Variants in FRMD3 observed in about 807,000 individuals in gnomAD.
FRMD3 encodes FERM domain-containing protein 3.
FRMD3 carries 33 observed loss-of-function variants against 70.2 expected under a neutral mutation model. The observed-to-expected ratio is 0.47, with a 90% CI of 0.36 to 0.63. FRMD3 has a LOEUF of 0.63. Among genes scored for constraint, FRMD3 ranks in the 20% least tolerant of loss-of-function variants. The pLI, the probability that FRMD3 is intolerant of heterozygous loss-of-function variation, is 0.00. For missense variants in FRMD3, 632 were observed against 711.4 expected (o/e 0.89, Z 1.27); for synonymous variants, 279 against 255.9 (o/e 1.09, Z -0.86).
intron 1 of FRMD3, among the ~76,000 whole-genome samples, chr9:83,404,101 C>T (rs987640645): frequency 8.6e-5 from 13 of 152,038 alleles, no homozygotes; most frequent in Admixed American, 2.6e-4. Context: ...CAAGCAGGCA[C>T]GCACACAAGA....
intron 12 of FRMD3, among the ~76,000 whole-genome samples, chr9:83,293,369 A>T (rs868328479): frequency 1.3e-5 from 2 of 152,102 alleles, no homozygotes; most frequent in Non-Finnish European, 2.9e-5. Flanking sequence ...ACCTCTGAAA[A>T]GCCCATCCAT....
intron 1 of FRMD3, among the ~76,000 whole-genome samples, chr9:83,433,777 C>T (rs1827051275): frequency 1.3e-5 from 2 of 152,106 alleles, no homozygotes; most frequent in South Asian, 4.1e-4. Context: ...GGGTCTGCAC[C>T]CCTATGAGAA....
intron 6 of FRMD3, among the ~76,000 whole-genome samples, chr9:83,317,429 G>A (rs1018063396): frequency 1.3e-5 from 2 of 152,060 alleles, no homozygotes; most frequent in East Asian, 3.9e-4. Context: ...TTTGCTCGGG[G>A]TGATCCTCCC....
At chr9:83,405,835 T>C (rs530633893) in intron 1 of FRMD3, among the ~76,000 whole-genome samples, 26 of 152,036 alleles carry the variant, frequency 1.7e-4, no homozygotes, top group Non-Finnish European at 3.2e-4. Context: ...GGACCAGAGC[T>C]GGCAGAGGTT....
intron 1 of FRMD3, among the ~76,000 whole-genome samples, chr9:83,527,377 C>T (rs1323908741): frequency 6.6e-6 from 1 of 152,134 alleles, no homozygotes; most frequent in African/African-American, 2.4e-5. Flanking sequence ...TTCATTATAC[C>T]TGTGATAGAC....
In FRMD3 at chr9:83,537,337, G is replaced by A. The variant is rs1402707306; in HGVS notation, c.147+748C>T. Among the ~76,000 whole-genome samples the A allele has an allele frequency of 6.6e-6, 1 of 152,108 alleles. No individual in the cohort carries two copies. Reference sequence around the variant, plus strand: ...GTGAATGTCCACCAAGATTCCACGGGGCTCTTTTACCCAGGACCCAGGTTC... The same window carrying A: ...GTGAATGTCCACCAAGATTCCACGGAGCTCTTTTACCCAGGACCCAGGTTC... On this transcript the variant is annotated intron_variant, in intron 1 of 13. Coordinates refer to ENST00000304195, the MANE Select transcript of FRMD3 (RefSeq NM_174938.6). This position sits in a 1 kb window ranked among gnomAD's most constrained non-coding sequence, Gnocchi z 4.1.
Position 83,248,201 on chromosome 9 carries a change from G to A in FRMD3, c.1511C>T (p.Ala504Val). 1 of 1,614,182 alleles carries A rather than the reference G, an allele frequency of 6.2e-7. No individual in the cohort carries two copies. The change falls in exon 14 of 14, where the codon GCT (alanine) becomes GTT (valine). Residue 504 changes from alanine to valine, a missense_variant. Ala to Val is a moderately conservative substitution (Grantham distance 64). Around this residue, in one of 3 missense-constraint regions of FRMD3, gnomAD observed 418 missense variants for 442.1 expected, o/e 0.95. Coordinates refer to ENST00000304195, the MANE Select transcript of FRMD3 (RefSeq NM_174938.6). ...ATAGCTCCACGACAAAGCACGGCGA[G>A]CCTCCTTCAGCTCCTCTTCTTCAGC... ...LIAEEEELKEARRALSWSYDI... is the reference protein window; with the variant it reads ...LIAEEEELKEVRRALSWSYDI...
rs777011372 is a variant in FRMD3 at position 83,309,601 on chromosome 9, A to T, written c.861T>A (p.His287Gln). 4.4e-6 allele frequency: 7 copies of T among 1,592,090 alleles called. No individual in the cohort carries two copies. Among genetic ancestry groups the T allele is most frequent in the African/African-American group, 1.3e-5 (1 of 74,214 alleles). ...GTTTGCAGGCAGCTGGTGTTGAAGT[A>T]TGGAATGCCAACATGGCTTTTTTCT... ...QKEKKAMLAF[H>Q]TSTPAACKHL... Residue 287 changes from histidine to glutamine, a missense_variant, in exon 10 of 14, where the codon CAT (histidine) becomes CAA (glutamine). His to Gln is a conservative substitution (Grantham distance 24, BLOSUM62 0). Coordinates refer to ENST00000304195, the MANE Select transcript of FRMD3 (RefSeq NM_174938.6).
intron 1 of FRMD3, among the ~76,000 whole-genome samples, chr9:83,475,846 G>A (rs2131466847): frequency 6.6e-6 from 1 of 152,182 alleles, no homozygotes; most frequent in South Asian, 2.1e-4. Context: ...CTATTGGGAG[G>A]AATAAATGAG....
At chr9:83,447,440 G>A (rs1223514164) in intron 1 of FRMD3, among the ~76,000 whole-genome samples, 1 of 152,228 alleles carries the variant, frequency 6.6e-6, no homozygotes, top group Non-Finnish European at 1.5e-5. Flanking sequence ...ACCAACCAGA[G>A]ATAAATCCAA....
chr9:83,495,063 T>C (rs1192170346), intron 1 of FRMD3, among the ~76,000 whole-genome samples: 2 of 152,038 alleles, frequency 1.3e-5, no homozygotes, highest in Admixed American at 6.6e-5. Flanking sequence ...TCTCCTACTG[T>C]TTCCAATTGT....
intron 1 of FRMD3, among the ~76,000 whole-genome samples, chr9:83,436,352 A>T (rs1376926555): frequency 3.3e-5 from 5 of 152,290 alleles, no homozygotes; most frequent in African/African-American, 1.2e-4. Flanking sequence ...GACAGGCTTT[A>T]CAAAGGGCTC....
chr9:83,352,040 G>A (rs1028140582), intron 3 of FRMD3, among the ~76,000 whole-genome samples: 2 of 152,216 alleles, frequency 1.3e-5, no homozygotes, highest in African/African-American at 4.8e-5. Flanking sequence ...CTCACTTAAT[G>A]TCTATAGTAA....
chr9:83,340,346 A>G (rs1823715040), intron 5 of FRMD3, among the ~76,000 whole-genome samples: 1 of 152,228 alleles, frequency 6.6e-6, no homozygotes, highest in South Asian at 2.1e-4. Flanking sequence ...ATTAGATTCT[A>G]TATAAGAGGA....
At chr9:83,267,981 G>GACA (rs1409144653) in intron 13 of FRMD3, among the ~76,000 whole-genome samples, 11 of 152,100 alleles carry the variant, frequency 7.2e-5, no homozygotes, top group Non-Finnish European at 1.0e-4. Flanking sequence ...ATAAGGAAAC[G>GACA]ACAACTTAGA....
chr9:83,296,531 C>T (rs943994080), intron 12 of FRMD3, among the ~76,000 whole-genome samples: 1 of 152,170 alleles, frequency 6.6e-6, no homozygotes, highest in Non-Finnish European at 1.5e-5. Flanking sequence ...TAATCAAATT[C>T]TTTCTGGTGT....
At chr9:83,441,207 T>C (rs1827285089) in intron 1 of FRMD3, among the ~76,000 whole-genome samples, 2 of 152,182 alleles carry the variant, frequency 1.3e-5, no homozygotes, top group Non-Finnish European at 2.9e-5. Context: ...ACCTATCCCC[T>C]GCTGACCGAG....
chr9:83,524,403 T>C (rs987924110), intron 1 of FRMD3, among the ~76,000 whole-genome samples: 18 of 152,210 alleles, frequency 1.2e-4, no homozygotes, highest in African/African-American at 4.3e-4. Flanking sequence ...GCAATTTTAT[T>C]TGGATGTACA....
chr9:83,322,881 T>C (rs746657757), intron 6 of FRMD3, among the ~76,000 whole-genome samples: 3 of 152,224 alleles, frequency 2.0e-5, no homozygotes, highest in Non-Finnish European at 4.4e-5. Flanking sequence ...GTTTGAAATA[T>C]ATCTACTTAT....
Sources: allele counts gnomAD v4.1 joint callset (sites outside exome capture counted in the v4.1 genomes callset), GRCh38; gene constraint gnomAD v4.1.1; regional missense constraint gnomAD v4.1.1; non-coding constraint Gnocchi (gnomAD v3.1); transcripts MANE v1.5; gene names NCBI Gene and HGNC (gene_info 2026-07-23, HGNC 2026-07-21).